IQCJ: variants seen among roughly 807,000 people sequenced by gnomAD.
IQCJ encodes the protein IQ motif containing J.
IQCJ carries 9 observed loss-of-function variants against 11.0 expected under a neutral mutation model. The ratio of observed to expected loss-of-function variants is 0.82; its 90% CI spans 0.49 to 1.43. IQCJ has a LOEUF of 1.43. Ranked by LOEUF, IQCJ falls within the 40% of genes most tolerant of loss-of-function variation. IQCJ has a pLI of 0.00. For synonymous variants in IQCJ, 55 were observed against 51.3 expected (o/e 1.07, Z -0.31); for missense variants, 146 against 133.2 (o/e 1.10, Z -0.47).
chr3:159,205,473 A>G (rs1335132142), intron 1 of IQCJ, among the ~76,000 whole-genome samples: 4 of 152,190 alleles, frequency 2.6e-5, no homozygotes. Context: ...TGATTGATCA[A>G]TTGTCTATGT....
At chr3:159,249,902 T>TACACACACACAC (rs10567080) in intron 2 of IQCJ, among the ~76,000 whole-genome samples, 5,350 of 150,578 alleles carry the variant, frequency 0.036, 241 homozygotes, top group African/African-American at 0.11. Context: ...TGCATTTGTG[T>TACACACACACAC]ACACACACAC....
At chr3:159,224,949 A>C (rs532201305) in intron 1 of IQCJ, among the ~76,000 whole-genome samples, 8 of 152,310 alleles carry the variant, frequency 5.3e-5, no homozygotes, top group Non-Finnish European at 1.0e-4. Context: ...TTAGAAAATA[A>C]AATAGGTAAA....
intron 1 of IQCJ, among the ~76,000 whole-genome samples, chr3:159,104,171 C>A (rs1234724919): frequency 6.6e-6 from 1 of 152,204 alleles, no homozygotes; most frequent in Non-Finnish European, 1.5e-5. Context: ...CCTAGGACTG[C>A]TGGTGATCCA....
chr3:159,165,647 C>T (rs898907919), intron 1 of IQCJ, among the ~76,000 whole-genome samples: 1 of 151,112 alleles, frequency 6.6e-6, no homozygotes, highest in African/African-American at 2.4e-5. Context: ...CAGATTCTCA[C>T]TCTGTTGCCA....
At chr3:159,122,951 T>G (rs1719464233) in intron 1 of IQCJ, among the ~76,000 whole-genome samples, 1 of 152,176 alleles carries the variant, frequency 6.6e-6, no homozygotes, top group South Asian at 2.1e-4. Flanking sequence ...ATGTTATTAT[T>G]ATGATGGTTT....
chr3:159,129,291 G>A (rs1719855463), intron 1 of IQCJ, among the ~76,000 whole-genome samples: 1 of 152,132 alleles, frequency 6.6e-6, no homozygotes, highest in Middle Eastern at 3.2e-3. Context: ...TGTGAAATAG[G>A]AAAAAATTTT....
intron 1 of IQCJ, among the ~76,000 whole-genome samples, chr3:159,184,721 G>T (rs528499034): frequency 7.9e-5 from 12 of 152,240 alleles, no homozygotes; most frequent in African/African-American, 2.9e-4. Context: ...TTTAAATCAG[G>T]TAGACATATT....
At chr3:159,188,630 G>A (rs1723510748) in intron 1 of IQCJ, among the ~76,000 whole-genome samples, 1 of 152,050 alleles carries the variant, frequency 6.6e-6, no homozygotes, top group African/African-American at 2.4e-5. Context: ...AGTACGGCCT[G>A]TACTCTAAGA....
chr3:159,159,631 T>A (rs1187960219), intron 1 of IQCJ, among the ~76,000 whole-genome samples: 1 of 152,176 alleles, frequency 6.6e-6, no homozygotes, highest in Non-Finnish European at 1.5e-5. Flanking sequence ...AAAAACATTA[T>A]CCTGAAAAGG....
At chr3:159,195,426 T>C (rs746912907) in intron 1 of IQCJ, among the ~76,000 whole-genome samples, 25 of 152,178 alleles carry the variant, frequency 1.6e-4, no homozygotes, top group Admixed American at 9.8e-4. Flanking sequence ...TCTGCAGTAT[T>C]ATGGTCAAAC....
chr3:159,191,946 T>C (rs1723714234), intron 1 of IQCJ, among the ~76,000 whole-genome samples: 1 of 152,216 alleles, frequency 6.6e-6, no homozygotes, highest in Non-Finnish European at 1.5e-5. Flanking sequence ...CATTCCTCCA[T>C]AAAGGAGACC....
chr3:159,166,209 C>T (rs927720928), intron 1 of IQCJ, among the ~76,000 whole-genome samples: 9 of 152,080 alleles, frequency 5.9e-5, no homozygotes, highest in African/African-American at 2.2e-4. Flanking sequence ...TTAGATAACT[C>T]TTCATCCAAC....
chr3:159,195,202 C>A (rs1348930164), intron 1 of IQCJ, among the ~76,000 whole-genome samples: 3 of 152,130 alleles, frequency 2.0e-5, no homozygotes. Flanking sequence ...GATCCAGCAC[C>A]CTGAGGATCC....
chr3:159,107,585 C>T (rs927284899), intron 1 of IQCJ, among the ~76,000 whole-genome samples: 15 of 152,216 alleles, frequency 9.9e-5, no homozygotes, highest in Non-Finnish European at 1.8e-4. Flanking sequence ...CATTTAAGAA[C>T]GGTGTGGCTG....
At chr3:159,101,181 AC>A (rs1400025425) in intron 1 of IQCJ, among the ~76,000 whole-genome samples, 1 of 146,222 alleles carries the variant, frequency 6.8e-6, no homozygotes, top group Non-Finnish European at 1.5e-5. Context: ...GAATTCCCTG[AC>A]CCCTTGCGCT....
rs539630405 is a variant in IQCJ at position 159,130,333 on chromosome 3, T to C, written c.9+60892T>C. Among the ~76,000 whole-genome samples the C allele has an allele frequency of 3.3e-5, 5 of 152,216 alleles. No individual in the cohort carries two copies. The East Asian group carries it at 9.7e-4, about 29-fold the overall frequency. Reference sequence around the variant, plus strand: ...CAGTATGTGATGGAATGCAAGTTCCTAGGAATTGAGAGATGTTGTAGGTAG... The same window carrying C: ...CAGTATGTGATGGAATGCAAGTTCCCAGGAATTGAGAGATGTTGTAGGTAG... On this transcript the variant is annotated intron_variant, in intron 1 of 3. Transcript: ENST00000397832.
intron 1 of IQCJ, among the ~76,000 whole-genome samples, chr3:159,241,399 A>G (rs1726917186): frequency 6.6e-6 from 1 of 151,970 alleles, no homozygotes; most frequent in South Asian, 2.1e-4. Flanking sequence ...ACAGAGTGAC[A>G]CTCTGTCTCA....
chr3:159,248,386 C>T lies in IQCJ; in HGVS notation c.74+2479C>T, dbSNP rs1035025339. Among the ~76,000 whole-genome samples, 9 of 152,174 alleles carry T rather than the reference C, an allele frequency of 5.9e-5. No homozygotes were observed. In the East Asian group the frequency reaches 1.2e-3, roughly 20 times the overall value. The stretch of plus-strand genomic sequence containing the variant: ...TTCATTTATTTTTATTATGCCTGCT[C>T]TCGTTAATATGAATAAATAAGAATA... On this transcript the variant is annotated intron_variant, in intron 2 of 3. Coordinates refer to ENST00000397832, the MANE Select transcript of IQCJ (RefSeq NM_001042706.3).
rs1201656002 is a variant in IQCJ at position 159,140,821 on chromosome 3, T to C, written c.9+71380T>C. ...AACAAATGAGCCCACCAAACTAGGCTGCTTAAAACTGCAGAAATGTGTTGT... is the reference window on the plus strand; with the variant it reads ...AACAAATGAGCCCACCAAACTAGGCCGCTTAAAACTGCAGAAATGTGTTGT... On this transcript the variant is annotated intron_variant, in intron 1 of 3. Transcript: ENST00000397832. 2.0e-5 allele frequency among the ~76,000 whole-genome samples: 3 copies of C among 152,210 alleles called. No individual in the cohort carries two copies. In the East Asian group the frequency reaches 5.8e-4, roughly 29 times the overall value.
Sources: gnomAD v4.1 joint callset for allele counts (sites outside exome capture counted in the v4.1 genomes callset) on GRCh38, gnomAD v4.1.1 for gene constraint, MANE v1.5 for transcripts, NCBI Gene and HGNC (gene_info 2026-07-23, HGNC 2026-07-21) for gene names.